DSCAML1: variants seen among roughly 807,000 people sequenced by gnomAD.
The protein encoded by DSCAML1 is cell adhesion molecule DSCAML1.
DSCAML1 carries 38 observed loss-of-function variants against 200.5 expected under a neutral mutation model. The ratio of observed to expected loss-of-function variants is 0.19; its 90% CI spans 0.15 to 0.25. The LOEUF (loss-of-function observed/expected upper bound fraction) is 0.25. Among genes scored for constraint, DSCAML1 ranks in the 10% least tolerant of loss-of-function variants. DSCAML1 has a pLI of 1.00. For missense variants in DSCAML1, 2,223 were observed against 2,858.8 expected (o/e 0.78, Z 5.07); for synonymous variants, 1,215 against 1,165.0 (o/e 1.04, Z -0.87).
At chr11:117,741,602 G>A (rs558987318) in intron 3 of DSCAML1, among the ~76,000 whole-genome samples, 2 of 152,364 alleles carry the variant, frequency 1.3e-5, no homozygotes, top group East Asian at 3.9e-4. Flanking sequence ...AGATGTGTGG[G>A]AACTTCCCTT....
upstream of DSCAML1, chr11:117,797,396 GCCCC>G (rs2055604915): frequency 1.0e-5 from 7 of 690,008 alleles, no homozygotes; most frequent in Admixed American, 4.4e-5. Context: ...GGGCCAGACC[GCCCC>G]GACCCGGCTC....
rs915870006 is a variant in DSCAML1 at position 117,480,347 on chromosome 11, A to G, written c.2785+96T>C. On this transcript the variant is annotated intron_variant, in intron 14 of 32. Coordinates refer to ENST00000651296, the MANE Select transcript of DSCAML1 (RefSeq NM_020693.4). The surrounding 1 kb of genome is among the most constrained non-coding windows in gnomAD (Gnocchi z 4.1). Reference sequence around the variant, plus strand: ...TGTCTAGCTTGGATGGGCAGCCCTAAGGCTCAGGGGCTCTCCTCCCAGAGG... The same window carrying G: ...TGTCTAGCTTGGATGGGCAGCCCTAGGGCTCAGGGGCTCTCCTCCCAGAGG... 5 of 1,542,320 alleles carry G rather than the reference A, an allele frequency of 3.2e-6. No individual in the cohort carries two copies. The African/African-American group carries it at 6.8e-5, about 21-fold the overall frequency.
intron 3 of DSCAML1, among the ~76,000 whole-genome samples, chr11:117,701,376 GT>G (rs2053664487): frequency 6.6e-6 from 1 of 152,204 alleles, no homozygotes; most frequent in Admixed American, 6.5e-5. Flanking sequence ...GGGCAGGATC[GT>G]CCCCCAGAGA....
intron 21 of DSCAML1, among the ~76,000 whole-genome samples, chr11:117,441,814 A>G (rs2048055373): frequency 6.6e-6 from 1 of 152,146 alleles, no homozygotes; most frequent in African/African-American, 2.4e-5. Flanking sequence ...GGCACCAGAC[A>G]GGCCCGGCAG....
intron 3 of DSCAML1, 151 bp from the exon 4 acceptor site, chr11:117,532,673 AG>A (rs1157349214): frequency 8.7e-6 from 7 of 802,710 alleles, no homozygotes; most frequent in Non-Finnish European, 1.3e-5. Context: ...TAGATGCTCC[AG>A]GGTTTAACAG....
chr11:117,451,320 C>A (rs1226759856), intron 19 of DSCAML1, among the ~76,000 whole-genome samples: 1 of 152,234 alleles, frequency 6.6e-6, no homozygotes, highest in Non-Finnish European at 1.5e-5. Flanking sequence ...GCCTGGGAGA[C>A]TGGAAGCTTC....
At chr11:117,440,235 T>C (rs1041261559) in intron 21 of DSCAML1, among the ~76,000 whole-genome samples, 2 of 152,052 alleles carry the variant, frequency 1.3e-5, no homozygotes, top group African/African-American at 4.8e-5. Context: ...GACAGATACT[T>C]AAGGAAAAAT....
chr11:117,640,552 A>G (rs1361262065), intron 3 of DSCAML1, among the ~76,000 whole-genome samples: 1 of 152,204 alleles, frequency 6.6e-6, no homozygotes, highest in African/African-American at 2.4e-5. Flanking sequence ...AAACTTGAAC[A>G]TCATCCCTGA....
At chr11:117,476,313 C>T (rs772558350) in intron 14 of DSCAML1, among the ~76,000 whole-genome samples, 6 of 152,168 alleles carry the variant, frequency 3.9e-5, no homozygotes, top group Admixed American at 2.0e-4. Context: ...ACATCTGGAG[C>T]GTTTAGCTGC....
intron 3 of DSCAML1, among the ~76,000 whole-genome samples, chr11:117,571,673 C>A (rs2017098): frequency 2.6e-5 from 4 of 151,950 alleles, no homozygotes; most frequent in African/African-American, 7.3e-5. Flanking sequence ...GTCCTCCCCC[C>A]ACCTACAGGT....
chr11:117,433,541 C>T (rs1160024077), intron 27 of DSCAML1, 70 bp from the exon 28 acceptor site: 1 of 1,541,468 alleles, frequency 6.5e-7, no homozygotes, highest in South Asian at 1.2e-5. Context: ...ATGGGAGAGG[C>T]ATGGGAAACA....
At chr11:117,677,247 C>T (rs887885046) in intron 3 of DSCAML1, among the ~76,000 whole-genome samples, 3 of 152,164 alleles carry the variant, frequency 2.0e-5, no homozygotes, top group Non-Finnish European at 4.4e-5. Context: ...AGAAGAGGTG[C>T]TAGACTTCTA....
chr11:117,605,648 G>A lies in DSCAML1; in HGVS notation c.512-73126C>T, dbSNP rs116259612. 1.0e-3 allele frequency among the ~76,000 whole-genome samples: 153 copies of A among 152,310 alleles called. 1 individual carries two copies. The highest frequency in any genetic ancestry group is 3.4e-3 in the African/African-American group (142 of 41,562). On this transcript the variant is annotated intron_variant, in intron 3 of 32. Transcript: ENST00000651296. ...GGTGTCTGAGGCGGGATGGGTGGAT[G>A]AACCAGTGACAAGGAGGTTCAGGGT...
At chr11:117,542,156 A>C (rs1220176202) in intron 3 of DSCAML1, among the ~76,000 whole-genome samples, 3 of 152,104 alleles carry the variant, frequency 2.0e-5, no homozygotes, top group Admixed American at 2.0e-4. Flanking sequence ...CTAAAATACA[A>C]AAATTAGCTG....
chr11:117,721,349 T>C (rs540828137), intron 3 of DSCAML1, among the ~76,000 whole-genome samples: 4 of 152,308 alleles, frequency 2.6e-5, no homozygotes, highest in Admixed American at 2.6e-4. Flanking sequence ...GTAGTTTAAG[T>C]CCAACCCTGT....
Position 117,793,257 on chromosome 11 carries a change from G to A in DSCAML1, c.46+3777C>T, listed in dbSNP as rs377217007. 7.2e-5 allele frequency among the ~76,000 whole-genome samples: 11 copies of A among 152,206 alleles called. 1 individual carries two copies. Among genetic ancestry groups the A allele is most frequent in the African/African-American group, 2.2e-4 (9 of 41,524 alleles). ...ATGCACCTGGGTACCCGCTAGAATC[G>A]ACTGGGCTGGGAGCTGAGAAAGTGC... is the stretch of plus-strand genomic sequence containing the variant. On this transcript the variant is annotated intron_variant, in intron 1 of 32. Transcript: ENST00000651296.
At chr11:117,583,233 C>A (rs2137465010) in intron 3 of DSCAML1, among the ~76,000 whole-genome samples, 1 of 152,076 alleles carries the variant, frequency 6.6e-6, no homozygotes, top group Non-Finnish European at 1.5e-5. Flanking sequence ...CTTCCCTTAC[C>A]AGCCACTTGC....
At chr11:117,657,611 C>G (rs927613698) in intron 3 of DSCAML1, among the ~76,000 whole-genome samples, 5 of 152,194 alleles carry the variant, frequency 3.3e-5, no homozygotes, top group African/African-American at 1.2e-4. Context: ...TCCTCCTCAC[C>G]CCCATGCTTT....
At chr11:117,808,191 G>A (rs1025404717) in intron 1 of DSCAML1, among the ~76,000 whole-genome samples, 1 of 152,224 alleles carries the variant, frequency 6.6e-6, no homozygotes, top group Non-Finnish European at 1.5e-5. Flanking sequence ...TGTTACAGAT[G>A]AGGAAATTGA....
Sources: gnomAD v4.1 joint callset for allele counts (sites outside exome capture counted in the v4.1 genomes callset) on GRCh38, gnomAD v4.1.1 for gene constraint, Gnocchi (gnomAD v3.1) non-coding constraint, MANE v1.5 for transcripts, NCBI Gene and HGNC (gene_info 2026-07-23, HGNC 2026-07-21) for gene names.